The following FGD4 variants were observed in gnomAD, a reference collection of about 807,000 sequenced individuals.
FGD4 encodes FYVE, RhoGEF and PH domain containing 4.
In FGD4, 42 loss-of-function variants were observed where a neutral mutation model predicts 102.0. That is an observed-to-expected ratio of 0.41 (90% CI 0.32 to 0.53). FGD4 has a LOEUF of 0.53. FGD4 is among the 20% of genes least tolerant of loss of function. The pLI is 0.21. For synonymous variants in FGD4, 380 were observed against 375.7 expected (o/e 1.01, Z -0.13); for missense variants, 902 against 1,078.2 (o/e 0.84, Z 2.29).
chr12:32,616,626 C>T lies in FGD4; in HGVS notation c.1750-3072C>T, dbSNP rs185485290. Among the ~76,000 whole-genome samples the T allele has an allele frequency of 5.0e-3, 768 of 152,244 alleles. 3 individuals carry two copies. Among genetic ancestry groups the T allele is most frequent in the South Asian group, 0.018 (86 of 4,826 alleles). On this transcript the variant is annotated intron_variant, in intron 10 of 16. Coordinates refer to ENST00000534526, the MANE Select transcript of FGD4 (RefSeq NM_001370298.3). Reference sequence around the variant, plus strand: ...AAGCACCATTTTTATTTTCTTTTCTCTCTAGAAAGGTAATGAGGGCTAGTT... The same window carrying T: ...AAGCACCATTTTTATTTTCTTTTCTTTCTAGAAAGGTAATGAGGGCTAGTT...
chr12:32,512,666 A>G (rs186548060), intron 1 of FGD4, among the ~76,000 whole-genome samples: 94 of 152,288 alleles, frequency 6.2e-4, no homozygotes, highest in East Asian at 1.7e-3. Flanking sequence ...CCTGCCTGAA[A>G]TGCAGAGTTG....
intron 1 of FGD4, among the ~76,000 whole-genome samples, chr12:32,416,884 CTTTTCTTTTTCT>C (rs1214709594): frequency 2.6e-5 from 4 of 151,436 alleles, no homozygotes; most frequent in Non-Finnish European, 2.9e-5. Context: ...CATTAACGTC[CTTTTCTTTTTCT>C]TTTTCTTTTT....
chr12:32,550,969 C>T (rs1943620709), intron 1 of FGD4, among the ~76,000 whole-genome samples: 2 of 152,142 alleles, frequency 1.3e-5, no homozygotes, highest in Non-Finnish European at 2.9e-5. Context: ...AATCCTGTTA[C>T]CATCTTTGTT....
At chr12:32,545,168 A>G (rs1034593126) in intron 1 of FGD4, among the ~76,000 whole-genome samples, 3 of 152,240 alleles carry the variant, frequency 2.0e-5, no homozygotes, top group Admixed American at 6.5e-5. Context: ...AGCAACTGAC[A>G]CAATCGCATG....
chr12:32,584,212 T>C lies in FGD4; in HGVS notation c.1011+1745T>C, dbSNP rs572783857. 1.1e-4 allele frequency among the ~76,000 whole-genome samples: 17 copies of C among 152,314 alleles called. 1 individual carries two copies. The South Asian group carries it at 3.5e-3, about 32-fold the overall frequency. On this transcript the variant is annotated intron_variant, in intron 4 of 16. Transcript: ENST00000534526. Reference sequence around the variant, plus strand: ...AAAGCAAATTTTCTCTGCAGAGCGGTTGATGCGAACACCACATCTCTCCTG... The same window carrying C: ...AAAGCAAATTTTCTCTGCAGAGCGGCTGATGCGAACACCACATCTCTCCTG...
intron 15 of FGD4, among the ~76,000 whole-genome samples, chr12:32,637,390 A>G (rs943710270): frequency 6.6e-6 from 1 of 151,408 alleles, no homozygotes; most frequent in African/African-American, 2.4e-5. Flanking sequence ...AGGTCAGGAG[A>G]TCGAGACCAT....
At chr12:32,485,500 G>T (rs1469267227) in intron 1 of FGD4, among the ~76,000 whole-genome samples, 1 of 146,226 alleles carries the variant, frequency 6.8e-6, no homozygotes, top group Non-Finnish European at 1.5e-5. Flanking sequence ...GAGTGCAGTG[G>T]CGGGATCTGG....
chr12:32,595,813 T>C (rs1592341727), intron 4 of FGD4, among the ~76,000 whole-genome samples: 2 of 152,350 alleles, frequency 1.3e-5, no homozygotes, highest in African/African-American at 4.8e-5. Context: ...ATAGTTCTTA[T>C]TTCCATATTT....
At chr12:32,626,725 C>CATT (rs1950195381) in intron 14 of FGD4, among the ~76,000 whole-genome samples, 1 of 152,026 alleles carries the variant, frequency 6.6e-6, no homozygotes, top group South Asian at 2.1e-4. Context: ...AAGCTTCCTC[C>CATT]ATTATATCAG....
chr12:32,502,500 C>T (rs1172326491), intron 1 of FGD4, among the ~76,000 whole-genome samples: 3 of 152,076 alleles, frequency 2.0e-5, no homozygotes, highest in Non-Finnish European at 4.4e-5. Flanking sequence ...AATGCCTATG[C>T]AATTACATGT....
chr12:32,412,221 C>T (rs997086812), intron 1 of FGD4, among the ~76,000 whole-genome samples: 5 of 152,012 alleles, frequency 3.3e-5, no homozygotes, highest in Non-Finnish European at 5.9e-5. Flanking sequence ...GGAGTGATCC[C>T]GAGAGGCAGA....
intron 10 of FGD4, among the ~76,000 whole-genome samples, chr12:32,612,958 T>C (rs1449354968): frequency 6.6e-6 from 1 of 152,180 alleles, no homozygotes; most frequent in Non-Finnish European, 1.5e-5. Flanking sequence ...TTACTCTTTG[T>C]TATCCTAATG....
chr12:32,536,098 T>A (rs1416398877), intron 1 of FGD4, among the ~76,000 whole-genome samples: 1 of 152,076 alleles, frequency 6.6e-6, no homozygotes, highest in Non-Finnish European at 1.5e-5. Flanking sequence ...TTTTTTTTAA[T>A]GACCTGAAAA....
rs942253124 is a variant in FGD4, at chr12:32,643,626, T to C, written c.*3093T>C. On this transcript the variant is annotated 3_prime_UTR_variant, in exon 17 of 17. Transcript: ENST00000534526. ...TAAACTTTTTACAGAAACTAACCTT[T>C]TAAATGTACCCTTTCCCCATATATA... 5.3e-5 allele frequency: 8 copies of C among 151,920 alleles called. No individual in the cohort carries two copies. Among genetic ancestry groups the C allele is most frequent in the Non-Finnish European group, 1.0e-4 (7 of 67,906 alleles). The allele number at this position is 151,920 out of a possible 1,614,324, so 9.4% of individuals were successfully genotyped here. A position where few individuals can be genotyped will look rare whatever the true frequency, so the allele number is the denominator to read the frequency against.
intron 1 of FGD4, among the ~76,000 whole-genome samples, chr12:32,560,641 G>A (rs920606382): frequency 4.6e-5 from 7 of 152,004 alleles, no homozygotes; most frequent in Admixed American, 1.3e-4. Flanking sequence ...GCTTAATCTC[G>A]CTGATAAACC....
chr12:32,513,854 C>T (rs141399350), intron 1 of FGD4, among the ~76,000 whole-genome samples: 15 of 152,192 alleles, frequency 9.9e-5, no homozygotes, highest in African/African-American at 2.9e-4. Context: ...ACCTCATCAC[C>T]GGTTTATAAT....
intron 1 of FGD4, among the ~76,000 whole-genome samples, chr12:32,494,554 C>T (rs1438790200): frequency 1.3e-5 from 2 of 152,214 alleles, no homozygotes; most frequent in African/African-American, 4.8e-5. Context: ...AACACATTTA[C>T]TGGTGATACC....
At position 32,602,012 on chromosome 12, in the gene FGD4, T is replaced by G. The variant is rs4931640; in HGVS notation, c.1248-149T>G. The G allele has an allele frequency of 0.41, 280,894 of 683,516 alleles. 62,215 individuals are homozygous for G. Among genetic ancestry groups the G allele is most frequent in the African/African-American group, 0.71 (39,850 of 55,814 alleles). The allele number at this position is 683,516 out of a possible 1,614,324, so 42.3% of individuals were successfully genotyped here. A position where few individuals can be genotyped will look rare whatever the true frequency, so the allele number is the denominator to read the frequency against. On this transcript the variant is annotated intron_variant, in intron 6 of 16. Coordinates refer to ENST00000534526, the MANE Select transcript of FGD4 (RefSeq NM_001370298.3). ...TGCCTGTAGTCCCAGCTACTGAGAG[T>G]GCTGAAGCTGGAGGATTGATTGAAC...
At position 32,611,027 on chromosome 12, in the gene FGD4, T is replaced by C. The variant is rs1949102125; in HGVS notation, c.1603-110T>C. On this transcript the variant is annotated intron_variant, in intron 9 of 16. Coordinates refer to ENST00000534526, the MANE Select transcript of FGD4 (RefSeq NM_001370298.3). ...GTGATGGAATTTATATTAAAATGTA[T>C]GCTTACTCCTAATCCCTTCTAAATT... 5 of 1,363,730 alleles carry C rather than the reference T, an allele frequency of 3.7e-6. No homozygotes were observed. The Admixed American group carries it at 9.5e-5, about 26-fold the overall frequency. 84.5% of individuals were successfully genotyped at this position (1,363,730 alleles called of 1,614,324 possible).
Sources: allele counts gnomAD v4.1 joint callset (sites outside exome capture counted in the v4.1 genomes callset), GRCh38; gene constraint gnomAD v4.1.1; transcripts MANE v1.5; gene names NCBI Gene and HGNC (gene_info 2026-07-23, HGNC 2026-07-21).